Variants in RALYL observed in about 807,000 individuals in gnomAD.
The protein encoded by RALYL is RNA-binding Raly-like protein.
RALYL carries 29 observed loss-of-function variants against 35.1 expected under a neutral mutation model. The ratio of observed to expected loss-of-function variants is 0.83; its 90% CI spans 0.61 to 1.13. The LOEUF is 1.13. Among genes scored for constraint, RALYL ranks in the 50% most tolerant of loss-of-function variants. The pLI is 0.00. For synonymous variants in RALYL, 120 were observed against 127.6 expected (o/e 0.94, Z 0.40); for missense variants, 359 against 360.4 (o/e 1.00, Z 0.03).
At chr8:84,240,735 T>C (rs1009081035) in intron 1 of RALYL, among the ~76,000 whole-genome samples, 1 of 152,196 alleles carries the variant, frequency 6.6e-6, no homozygotes, top group African/African-American at 2.4e-5. Flanking sequence ...AGCTAAGTTG[T>C]AGACTTTTGA....
chr8:84,681,210 A>G (rs1261846083), intron 2 of RALYL, among the ~76,000 whole-genome samples: 1 of 152,014 alleles, frequency 6.6e-6, no homozygotes, highest in South Asian at 2.1e-4. Flanking sequence ...ATTGGTCTAT[A>G]TCTCTGTTTT....
At chr8:84,868,153 C>A (rs1383762905) in intron 6 of RALYL, among the ~76,000 whole-genome samples, 1 of 152,034 alleles carries the variant, frequency 6.6e-6, no homozygotes, top group East Asian at 1.9e-4. Context: ...AGTCAGGCAG[C>A]CCACTCTAAA....
intron 4 of RALYL, among the ~76,000 whole-genome samples, chr8:84,846,900 C>T (rs115997706): frequency 5.3e-5 from 8 of 152,206 alleles, no homozygotes; most frequent in African/African-American, 1.9e-4. Context: ...AGAGAGCCAA[C>T]TTTTGGTTTT....
At chr8:84,776,458 T>G (rs1472992393) in intron 3 of RALYL, among the ~76,000 whole-genome samples, 1 of 152,204 alleles carries the variant, frequency 6.6e-6, no homozygotes, top group Admixed American at 6.5e-5. Flanking sequence ...TGGGGTAATA[T>G]TGACATTAAA....
chr8:84,546,312 G>T (rs964427465), intron 2 of RALYL, among the ~76,000 whole-genome samples: 5 of 152,122 alleles, frequency 3.3e-5, no homozygotes, highest in African/African-American at 1.2e-4. Flanking sequence ...TAGAGGTAGG[G>T]TTTTGCTATG....
chr8:84,879,931 T>A (rs1841882835), intron 7 of RALYL, among the ~76,000 whole-genome samples: 1 of 152,058 alleles, frequency 6.6e-6, no homozygotes, highest in Non-Finnish European at 1.5e-5. Context: ...CAATAGGAGA[T>A]AAAATTGAAC....
chr8:84,605,384 CT>C (rs1816885088), intron 2 of RALYL, among the ~76,000 whole-genome samples: 1 of 152,090 alleles, frequency 6.6e-6, no homozygotes, highest in South Asian at 2.1e-4. Context: ...AACATTTGCT[CT>C]TTTTGACAAC....
intron 1 of RALYL, among the ~76,000 whole-genome samples, chr8:84,493,044 A>G (rs1347592175): frequency 2.6e-5 from 4 of 152,044 alleles, no homozygotes; most frequent in Admixed American, 2.6e-4. Flanking sequence ...TGCATTAACT[A>G]TTTGTCCTGA....
intron 1 of RALYL, among the ~76,000 whole-genome samples, chr8:84,479,426 G>A (rs1005138644): frequency 6.6e-6 from 1 of 152,098 alleles, no homozygotes. Flanking sequence ...CATGAAAATG[G>A]CACAGATTTG....
intron 3 of RALYL, among the ~76,000 whole-genome samples, chr8:84,793,827 G>A (rs1821335289): frequency 6.6e-6 from 1 of 152,100 alleles, no homozygotes; most frequent in Non-Finnish European, 1.5e-5. Flanking sequence ...GTTAGAGAGG[G>A]GCTGTGGTTA....
At chr8:84,435,708 A>G (rs2047640436) in intron 1 of RALYL, among the ~76,000 whole-genome samples, 1 of 152,172 alleles carries the variant, frequency 6.6e-6, no homozygotes, top group African/African-American at 2.4e-5. Flanking sequence ...AATCACTACC[A>G]TACTCACCAA....
intron 2 of RALYL, among the ~76,000 whole-genome samples, chr8:84,535,550 C>G (rs1298869524): frequency 6.6e-6 from 1 of 151,966 alleles, no homozygotes; most frequent in Non-Finnish European, 1.5e-5. Flanking sequence ...ATTCTCCTGC[C>G]TCAGCCTCCT....
At chr8:84,847,876 C>A (rs1278639048) in intron 4 of RALYL, among the ~76,000 whole-genome samples, 2 of 152,128 alleles carry the variant, frequency 1.3e-5, no homozygotes, top group Admixed American at 6.5e-5. Context: ...TTTGACAGAA[C>A]TGGAGGCAGA....
chr8:84,422,142 C>A (rs1458624522), intron 1 of RALYL, among the ~76,000 whole-genome samples: 1 of 143,820 alleles, frequency 7.0e-6, no homozygotes, highest in African/African-American at 2.6e-5. Context: ...CCTCCTTGTA[C>A]CTCTGGTAGA....
intron 1 of RALYL, among the ~76,000 whole-genome samples, chr8:84,234,765 A>T (rs886466152): frequency 2.3e-4 from 31 of 136,920 alleles, no homozygotes; most frequent in East Asian, 1.3e-3. Context: ...TTATTTATTT[A>T]TTTATTTTTT....
chr8:84,325,855 T>C lies in RALYL; in HGVS notation c.-24+141431T>C, dbSNP rs1041494936. On this transcript the variant is annotated intron_variant, in intron 1 of 8. Coordinates refer to ENST00000521268, the MANE Select transcript of RALYL (RefSeq NM_173848.7). The stretch of plus-strand genomic sequence containing the variant: ...CTTATTTATTAAAAAATAGGCTGGG[T>C]GCAGTGGCTCATGCCTGTAATTCTT... Among the ~76,000 whole-genome samples the C allele has an allele frequency of 3.9e-5, 6 of 152,148 alleles. No homozygotes were observed. The South Asian group carries it at 6.2e-4, about 16-fold the overall frequency.
At chr8:84,331,728 G>C (rs561552451) in intron 1 of RALYL, among the ~76,000 whole-genome samples, 1 of 152,178 alleles carries the variant, frequency 6.6e-6, no homozygotes, top group South Asian at 2.1e-4. Flanking sequence ...AAGCAGGTCA[G>C]TATATAATTG....
intron 2 of RALYL, among the ~76,000 whole-genome samples, chr8:84,772,257 A>C (rs562766227): frequency 2.0e-5 from 3 of 152,088 alleles, no homozygotes; most frequent in African/African-American, 7.2e-5. Context: ...TAATTACCAC[A>C]GCTTTAAAAT....
chr8:84,242,663 C>A (rs991690767), intron 1 of RALYL, among the ~76,000 whole-genome samples: 3 of 152,092 alleles, frequency 2.0e-5, no homozygotes, highest in Non-Finnish European at 4.4e-5. Flanking sequence ...ATGCGCTTTG[C>A]CCACTTTTTG....
Sources: allele counts gnomAD v4.1 joint callset (sites outside exome capture counted in the v4.1 genomes callset), GRCh38; gene constraint gnomAD v4.1.1; transcripts MANE v1.5; gene names NCBI Gene and HGNC (gene_info 2026-07-23, HGNC 2026-07-21).